DLG2: variants seen among roughly 807,000 people sequenced by gnomAD.
DLG2 encodes disks large homolog 2.
In DLG2, 45 loss-of-function variants were observed where a neutral mutation model predicts 132.5. The ratio of observed to expected loss-of-function variants is 0.34; its 90% CI spans 0.27 to 0.44. The LOEUF is 0.44. Among genes scored for constraint, DLG2 ranks in the 20% least tolerant of loss-of-function variants. The probability of loss-of-function intolerance (pLI) is 1.00; values close to 1 mark genes in which losing one functional copy is unlikely to be tolerated. For synonymous variants in DLG2, 424 were observed against 419.6 expected, an observed-to-expected ratio of 1.01 and a Z score of -0.13; for missense variants, 1,045 against 1,196.9, an observed-to-expected ratio of 0.87 and a Z score of 1.87.
At chr11:83,638,554 C>T (rs1165907298) in intron 18 of DLG2, among the ~76,000 whole-genome samples, 13 of 152,094 alleles carry the variant, frequency 8.5e-5, no homozygotes, top group Middle Eastern at 3.2e-3. Flanking sequence ...TCATCACTTG[C>T]GAAAATTGTA....
intron 16 of DLG2, among the ~76,000 whole-genome samples, chr11:83,868,434 C>G (rs983535159): frequency 6.6e-6 from 1 of 151,898 alleles, no homozygotes; most frequent in Admixed American, 6.6e-5. Flanking sequence ...CTTACTTTTC[C>G]CATATTCTTT....
intron 19 of DLG2, among the ~76,000 whole-genome samples, chr11:83,606,550 A>G (rs910858814): frequency 1.8e-4 from 27 of 152,182 alleles, no homozygotes; most frequent in African/African-American, 6.0e-4. Flanking sequence ...GTCAGCCCAT[A>G]CAGTTGTCAG....
chr11:84,574,170 G>A (rs1039739769), intron 6 of DLG2, among the ~76,000 whole-genome samples: 1 of 152,036 alleles, frequency 6.6e-6, no homozygotes, highest in African/African-American at 2.4e-5. Context: ...ATCTGACAGA[G>A]ACACAAACTG....
At chr11:85,336,577 G>C (rs530611108) in intron 3 of DLG2, 1 of 159,186 alleles carries the variant, frequency 6.3e-6, no homozygotes, top group Non-Finnish European at 1.4e-5. Flanking sequence ...ACCATGACTG[G>C]CATCAGCAGG....
chr11:83,536,735 G>C (rs946053973), intron 20 of DLG2, among the ~76,000 whole-genome samples: 1 of 152,092 alleles, frequency 6.6e-6, no homozygotes, highest in African/African-American at 2.4e-5. Flanking sequence ...ATGAGACTTT[G>C]TTGAATGAGT....
chr11:83,704,221 G>A (rs1409545846), intron 18 of DLG2, among the ~76,000 whole-genome samples: 2 of 152,138 alleles, frequency 1.3e-5, no homozygotes, highest in Admixed American at 1.3e-4. Context: ...AACTTTGCAT[G>A]AAAAATGTTT....
At chr11:85,311,769 G>C (rs1365192235) in intron 3 of DLG2, among the ~76,000 whole-genome samples, 3 of 151,916 alleles carry the variant, frequency 2.0e-5, no homozygotes, top group African/African-American at 7.2e-5. Flanking sequence ...TCTTTCCAAA[G>C]TCCTATTTCA....
chr11:84,711,132 G>A (rs1228404747), intron 6 of DLG2, among the ~76,000 whole-genome samples: 3 of 150,944 alleles, frequency 2.0e-5, no homozygotes, highest in South Asian at 2.1e-4. Context: ...TTACAATAAA[G>A]TAAATCCATA....
chr11:83,873,959 T>C (rs1185092138), intron 16 of DLG2, among the ~76,000 whole-genome samples: 1 of 152,188 alleles, frequency 6.6e-6, no homozygotes, highest in Non-Finnish European at 1.5e-5. Flanking sequence ...TGTATTTCTA[T>C]CATTTGTACT....
chr11:84,740,970 C>T (rs1049141254), intron 6 of DLG2, among the ~76,000 whole-genome samples: 5 of 152,128 alleles, frequency 3.3e-5, no homozygotes, highest in Non-Finnish European at 7.4e-5. Flanking sequence ...AACCCACACA[C>T]CCAAAATCAG....
intron 18 of DLG2, among the ~76,000 whole-genome samples, chr11:83,718,028 G>C (rs1470242851): frequency 6.6e-6 from 1 of 152,136 alleles, no homozygotes; most frequent in Non-Finnish European, 1.5e-5. Context: ...AACCTGCTCC[G>C]TACTCCCTCT....
chr11:84,407,624 G>A (rs1200814380), intron 7 of DLG2, among the ~76,000 whole-genome samples: 1 of 152,162 alleles, frequency 6.6e-6, no homozygotes, highest in Non-Finnish European at 1.5e-5. Context: ...ATGAAAAAAA[G>A]AGGGCCTTGA....
intron 6 of DLG2, among the ~76,000 whole-genome samples, chr11:84,713,341 T>C (rs1274035011): frequency 1.3e-5 from 2 of 152,128 alleles, no homozygotes; most frequent in African/African-American, 2.4e-5. Context: ...GGGTAACTAC[T>C]ATACCCATCT....
At chr11:84,515,584 T>C (rs1207413495) in intron 7 of DLG2, among the ~76,000 whole-genome samples, 2 of 151,704 alleles carry the variant, frequency 1.3e-5, no homozygotes, top group East Asian at 1.9e-4. Context: ...CCTAAACATA[T>C]AACATAAATA....
Position 85,089,100 on chromosome 11 carries a change from T to C in DLG2, c.357+22561A>G, listed in dbSNP as rs1179401934. The stretch of plus-strand genomic sequence containing the variant: ...AGTCTCCCAGTTTGAGAACTATTCT[T>C]TTGTATACTCAGTAAACTTCTAATT... On this transcript the variant is annotated intron_variant, in intron 6 of 27. Transcript: ENST00000376104. 2.0e-5 allele frequency among the ~76,000 whole-genome samples: 3 copies of C among 152,212 alleles called. 1 individual carries two copies. The highest frequency in any genetic ancestry group is 2.0e-4 in the Admixed American group (3 of 15,290).
intron 7 of DLG2, among the ~76,000 whole-genome samples, chr11:84,502,363 TTTCTTTCTTTCTTTCTTTCTTTCTTTC>T (rs2099220077): frequency 1.3e-5 from 1 of 78,602 alleles, no homozygotes; most frequent in Non-Finnish European, 2.3e-5. Context: ...TCTTTCTTTC[TTTCTTTCTTTCTTTCTTTCTTTCTTTC>T]TTTCTTTCTT....
intron 9 of DLG2, among the ~76,000 whole-genome samples, chr11:84,153,951 C>A (rs919102184): frequency 6.6e-6 from 1 of 152,172 alleles, no homozygotes; most frequent in African/African-American, 2.4e-5. Flanking sequence ...CCTGAGACGG[C>A]TGCATTCCTT....
intron 8 of DLG2, among the ~76,000 whole-genome samples, chr11:84,171,487 T>A (rs1202901478): frequency 6.6e-6 from 1 of 152,190 alleles, no homozygotes; most frequent in African/African-American, 2.4e-5. Flanking sequence ...GTATTTTGAC[T>A]CTGTTTCTGA....
chr11:84,766,094 A>G (rs185030242), intron 6 of DLG2, among the ~76,000 whole-genome samples: 1 of 152,100 alleles, frequency 6.6e-6, no homozygotes, highest in Non-Finnish European at 1.5e-5. Flanking sequence ...CCTTTGCATC[A>G]CCTAACTTAT....
Sources: gnomAD v4.1 joint callset for allele counts (sites outside exome capture counted in the v4.1 genomes callset) on GRCh38, gnomAD v4.1.1 for gene constraint, MANE v1.5 for transcripts, NCBI Gene and HGNC (gene_info 2026-07-23, HGNC 2026-07-21) for gene names.